FAAH2: variants seen among roughly 807,000 people sequenced by gnomAD.
FAAH2 encodes fatty acid amide hydrolase 2, also known as fatty-acid amide hydrolase 2.
In FAAH2, 60 loss-of-function variants were observed where a neutral mutation model predicts 36.9. The observed-to-expected ratio is 1.63, with a 90% CI of 1.32 to 2.02. FAAH2 has a LOEUF of 2.02. Ranked by LOEUF, FAAH2 falls within the 30% of genes most tolerant of loss-of-function variation. The pLI is 0.00. For missense variants in FAAH2, 689 were observed against 397.5 expected, an observed-to-expected ratio of 1.73 and a Z score of -6.23; for synonymous variants, 214 against 143.8, an observed-to-expected ratio of 1.49 and a Z score of -3.49.
chrX:57,243,798 C>A, the FAAH2 span, among the ~76,000 whole-genome samples: 2 of 110,567 alleles, frequency 1.8e-5, no homozygotes, highest in African/African-American at 6.6e-5. Context: ...GAGAAACAAG[C>A]GAAAAAAGGC....
chrX:57,274,398 C>T, the FAAH2 span, among the ~76,000 whole-genome samples: 1 of 111,607 alleles, frequency 9.0e-6, no homozygotes, highest in South Asian at 3.7e-4. Flanking sequence ...CATCCTCCCT[C>T]ATTTCATGAG....
At chrX:57,414,208 C>T (rs2055777570) in intron 7 of FAAH2, among the ~76,000 whole-genome samples, 1 of 111,888 alleles carries the variant, frequency 8.9e-6, no homozygotes, top group Non-Finnish European at 1.9e-5. Context: ...GTATTTCTTT[C>T]TCTTGCCCGA....
In FAAH2 at chrX:57,376,579, A is replaced by T. The variant is rs183994788; in HGVS notation, c.743-2072A>T. ...TTGATGGGCATTTGGGTCAGTTCTA[A>T]GTCTTTGCTATTGTGAATAGTGCTG... is the stretch of plus-strand genomic sequence containing the variant. On this transcript the variant is annotated intron_variant, in intron 5 of 10. Coordinates refer to ENST00000374900, the MANE Select transcript of FAAH2 (RefSeq NM_174912.4). 1.6e-3 allele frequency among the ~76,000 whole-genome samples: 182 copies of T among 111,919 alleles called. 1 individual carries two copies. The highest frequency in any genetic ancestry group is 2.6e-3 in the Non-Finnish European group (138 of 53,190).
At chrX:57,309,912 T>C (rs1488615561) in intron 2 of FAAH2, among the ~76,000 whole-genome samples, 1 of 112,149 alleles carries the variant, frequency 8.9e-6, no homozygotes, top group Non-Finnish European at 1.9e-5. Context: ...ATCTTTATAA[T>C]AAAATGATTT....
upstream of FAAH2, among the ~76,000 whole-genome samples, chrX:57,283,522 C>T (rs1169704207): frequency 8.9e-6 from 1 of 111,877 alleles, no homozygotes; most frequent in African/African-American, 3.3e-5. Context: ...AGAACCACTG[C>T]AATGGCAGTG....
chrX:57,140,044 A>G, the FAAH2 span, among the ~76,000 whole-genome samples: 1 of 111,778 alleles, frequency 8.9e-6, no homozygotes, highest in Non-Finnish European at 1.9e-5. Flanking sequence ...TCAATGTTTT[A>G]TAATTTTTAT....
At chrX:57,352,091 TGC>T (rs746545241) in intron 5 of FAAH2, among the ~76,000 whole-genome samples, 8,705 of 23,780 alleles carry the variant, frequency 0.37, 2,029 homozygotes, top group East Asian at 0.85. Flanking sequence ...TGTATATATA[TGC>T]ACATATATAT....
At chrX:57,270,390 C>T in the FAAH2 span, among the ~76,000 whole-genome samples, 2 of 111,890 alleles carry the variant, frequency 1.8e-5, no homozygotes, top group African/African-American at 6.5e-5. Flanking sequence ...ATCCTGATAG[C>T]AAAACCTGGC....
intron 5 of FAAH2, among the ~76,000 whole-genome samples, chrX:57,349,638 T>A (rs1048172446): frequency 4.8e-4 from 52 of 107,533 alleles, no homozygotes; most frequent in Non-Finnish European, 5.0e-4. Context: ...GCTTCAAAAA[T>A]AGACTATACA....
intron 7 of FAAH2, among the ~76,000 whole-genome samples, chrX:57,403,658 C>T (rs1159686107): frequency 2.7e-5 from 3 of 112,543 alleles, no homozygotes; most frequent in Admixed American, 9.4e-5. Context: ...ACAGCTCGCA[C>T]GTTTGAGCAG....
the FAAH2 span, among the ~76,000 whole-genome samples, chrX:57,247,830 G>A: frequency 4.9e-4 from 55 of 112,260 alleles, no homozygotes; most frequent in Non-Finnish European, 8.6e-4. Flanking sequence ...GGTCATAGGC[G>A]AGTGCTTCAA....
the FAAH2 span, among the ~76,000 whole-genome samples, chrX:57,254,672 C>G: frequency 9.0e-6 from 1 of 111,720 alleles, no homozygotes; most frequent in Non-Finnish European, 1.9e-5. Flanking sequence ...TCCTGAATGA[C>G]TACTGGGTAA....
At chrX:57,294,734 G>T (rs1457996961) in intron 2 of FAAH2, among the ~76,000 whole-genome samples, 1 of 111,154 alleles carries the variant, frequency 9.0e-6, no homozygotes, top group Admixed American at 9.6e-5. Context: ...ATTTGGCTTA[G>T]TTAATTTTTT....
chrX:57,325,347 G>A (rs949266243), intron 3 of FAAH2, among the ~76,000 whole-genome samples: 17 of 111,435 alleles, frequency 1.5e-4, no homozygotes, highest in African/African-American at 5.5e-4. Context: ...GATGATGCTG[G>A]CCTCATAAAA....
At chrX:57,274,473 T>A in the FAAH2 span, among the ~76,000 whole-genome samples, 7 of 112,057 alleles carry the variant, frequency 6.2e-5, no homozygotes, top group African/African-American at 2.3e-4. Flanking sequence ...TTCAGACCAA[T>A]ATTCCTGATA....
the FAAH2 span, among the ~76,000 whole-genome samples, chrX:57,225,401 A>G: frequency 4.5e-5 from 5 of 111,898 alleles, no homozygotes; most frequent in South Asian, 1.5e-3. Context: ...TTTTGGCCCA[A>G]TGCTCATTCA....
chrX:57,379,288 T>C (rs1270242041), intron 6 of FAAH2, among the ~76,000 whole-genome samples: 1 of 111,471 alleles, frequency 9.0e-6, no homozygotes, highest in Non-Finnish European at 1.9e-5. Flanking sequence ...TCCCACATTT[T>C]ATCTCATAAA....
intron 3 of FAAH2, among the ~76,000 whole-genome samples, chrX:57,317,593 A>G (rs1242919099): frequency 9.0e-6 from 1 of 111,649 alleles, no homozygotes; most frequent in East Asian, 2.8e-4. Flanking sequence ...CACTGTCACT[A>G]TTAGACAGAT....
the FAAH2 span, among the ~76,000 whole-genome samples, chrX:57,252,945 G>T: frequency 1.8e-5 from 2 of 111,884 alleles, no homozygotes; most frequent in Admixed American, 1.9e-4. Flanking sequence ...GGCTTCAGAA[G>T]GTCGGTAATC....
Sources: allele counts gnomAD v4.1 joint callset (sites outside exome capture counted in the v4.1 genomes callset), GRCh38; gene constraint gnomAD v4.1.1; transcripts MANE v1.5; gene names NCBI Gene and HGNC (gene_info 2026-07-23, HGNC 2026-07-21).